Variants in FHIT observed in about 807,000 individuals in gnomAD.
FHIT encodes the protein fragile histidine triad diadenosine triphosphatase.
Under a neutral mutation model 17.9 loss-of-function variants are expected in FHIT, and 19 were observed. The observed-to-expected ratio is 1.06, with a 90% CI of 0.74 to 1.56. FHIT has a LOEUF of 1.56. FHIT is among the 40% of genes most tolerant of loss of function. The pLI is 0.00. For missense variants in FHIT, 248 were observed against 189.2 expected, an observed-to-expected ratio of 1.31 and a Z score of -1.82; for synonymous variants, 81 against 69.7, an observed-to-expected ratio of 1.16 and a Z score of -0.81.
intron 5 of FHIT, among the ~76,000 whole-genome samples, chr3:60,158,602 G>A (rs1209361685): frequency 6.6e-6 from 1 of 152,112 alleles, no homozygotes. Flanking sequence ...GTAAGCCACC[G>A]CGCCCGGCCT....
At chr3:59,918,334 A>G (rs1163645069) in intron 8 of FHIT, among the ~76,000 whole-genome samples, 1 of 152,196 alleles carries the variant, frequency 6.6e-6, no homozygotes, top group Non-Finnish European at 1.5e-5. Flanking sequence ...GGTATTGAAT[A>G]ATAAAGTAAT....
intron 5 of FHIT, among the ~76,000 whole-genome samples, chr3:60,056,150 T>A (rs983091730): frequency 1.3e-5 from 2 of 152,222 alleles, no homozygotes; most frequent in African/African-American, 4.8e-5. Context: ...GAGTCAGGTT[T>A]GGCAGGGCAG....
At chr3:61,057,612 A>G (rs80234671) in intron 2 of FHIT, among the ~76,000 whole-genome samples, 1 of 152,304 alleles carries the variant, frequency 6.6e-6, no homozygotes, top group Non-Finnish European at 1.5e-5. Context: ...GCCATAAATT[A>G]TGTTACATGT....
chr3:59,911,541 G>A (rs1416921119), intron 8 of FHIT, among the ~76,000 whole-genome samples: 1 of 152,184 alleles, frequency 6.6e-6, no homozygotes, highest in East Asian at 1.9e-4. Context: ...TGGCCTTGGT[G>A]ATTTGATTCT....
At chr3:59,906,727 C>T (rs1181494748) in intron 8 of FHIT, among the ~76,000 whole-genome samples, 2 of 152,160 alleles carry the variant, frequency 1.3e-5, no homozygotes, top group East Asian at 1.9e-4. Flanking sequence ...CATAGTCTTT[C>T]CTTCTTTTGA....
chr3:60,131,805 C>T (rs1051061337), intron 5 of FHIT, among the ~76,000 whole-genome samples: 1 of 152,110 alleles, frequency 6.6e-6, no homozygotes, highest in Non-Finnish European at 1.5e-5. Context: ...AGTCCATTCT[C>T]CACACTGCTT....
In FHIT at chr3:61,003,894, A is replaced by C. The variant is rs559085733; in HGVS notation, c.-111+38153T>G. ...TTTACAGATATAACACATCAGCAAT[A>C]CATCAGTTTGGTTTTTTATGGAAGC... On this transcript the variant is annotated intron_variant, in intron 3 of 9. Coordinates refer to ENST00000492590, the MANE Select transcript of FHIT (RefSeq NM_002012.4). Among the ~76,000 whole-genome samples, 39 of 152,364 alleles carry C rather than the reference A, an allele frequency of 2.6e-4. No individual in the cohort carries two copies. The South Asian group carries it at 3.5e-3, about 14-fold the overall frequency.
chr3:60,124,100 T>A (rs1185350640), intron 5 of FHIT, among the ~76,000 whole-genome samples: 1 of 140,188 alleles, frequency 7.1e-6, no homozygotes, highest in Non-Finnish European at 1.5e-5. Context: ...TTGCCCAGAC[T>A]GGAGTGCAGT....
At chr3:61,178,963 A>AT (rs11438506) in intron 2 of FHIT, among the ~76,000 whole-genome samples, 7,016 of 143,274 alleles carry the variant, frequency 0.049, 526 homozygotes, top group East Asian at 0.28. Context: ...CCACCACGTG[A>AT]TTTTGTTTGA....
At chr3:60,777,844 T>G (rs1379479641) in intron 4 of FHIT, among the ~76,000 whole-genome samples, 3 of 152,206 alleles carry the variant, frequency 2.0e-5, no homozygotes, top group Non-Finnish European at 4.4e-5. Flanking sequence ...GATAGGAATT[T>G]GGGCAATATT....
chr3:60,485,711 A>T (rs570593548), intron 5 of FHIT, among the ~76,000 whole-genome samples: 1 of 152,222 alleles, frequency 6.6e-6, no homozygotes, highest in East Asian at 1.9e-4. Context: ...GCAAACCACC[A>T]TGGCACACGT....
chr3:60,132,085 C>A (rs890915929), intron 5 of FHIT, among the ~76,000 whole-genome samples: 3 of 152,146 alleles, frequency 2.0e-5, no homozygotes, highest in Non-Finnish European at 4.4e-5. Context: ...TACAGTCGGA[C>A]CTTCACATCT....
chr3:60,424,679 G>A (rs960405127), intron 5 of FHIT, among the ~76,000 whole-genome samples: 1 of 152,114 alleles, frequency 6.6e-6, no homozygotes, highest in Non-Finnish European at 1.5e-5. Flanking sequence ...ATCAAATGTA[G>A]CTGAAGAGTC....
At chr3:60,321,316 A>C (rs979924234) in intron 5 of FHIT, among the ~76,000 whole-genome samples, 7 of 151,994 alleles carry the variant, frequency 4.6e-5, no homozygotes, top group African/African-American at 1.7e-4. Flanking sequence ...CCCATCTCTA[A>C]AATACAAAAA....
intron 5 of FHIT, among the ~76,000 whole-genome samples, chr3:60,513,813 T>C (rs760876306): frequency 6.6e-6 from 1 of 152,098 alleles, no homozygotes; most frequent in African/African-American, 2.4e-5. Context: ...AGATGTTGCC[T>C]TTTCCAAAAC....
chr3:60,273,550 A>G (rs1845898), intron 5 of FHIT, among the ~76,000 whole-genome samples: 38,801 of 152,004 alleles, frequency 0.26, 5,724 homozygotes, highest in East Asian at 0.71. Flanking sequence ...CAGAGGCTGC[A>G]GTGAGCTGAG....
chr3:60,071,258 T>A (rs1335746367), intron 5 of FHIT, among the ~76,000 whole-genome samples: 1 of 152,178 alleles, frequency 6.6e-6, no homozygotes, highest in African/African-American at 2.4e-5. Flanking sequence ...AAACAGAAGG[T>A]GAAAGAATCC....
At chr3:60,630,687 T>A (rs72872718) in intron 4 of FHIT, among the ~76,000 whole-genome samples, 1,659 of 152,206 alleles carry the variant, frequency 0.011, 39 homozygotes, top group African/African-American at 0.038. Context: ...ACTCAACACT[T>A]ACAGTTGAAC....
At chr3:60,706,418 G>A in intron 4 of FHIT, among the ~76,000 whole-genome samples, 1 of 152,104 alleles carries the variant, frequency 6.6e-6, no homozygotes, top group Non-Finnish European at 1.5e-5. Context: ...AAAGAAAGGT[G>A]CAAAAGTGAA....
Sources: allele counts gnomAD v4.1 joint callset (sites outside exome capture counted in the v4.1 genomes callset), GRCh38; gene constraint gnomAD v4.1.1; transcripts MANE v1.5; gene names NCBI Gene and HGNC (gene_info 2026-07-23, HGNC 2026-07-21).